The following NCAM2 variants were observed in gnomAD, a reference collection of about 807,000 sequenced individuals.
The protein encoded by NCAM2 is neural cell adhesion molecule 2.
Under a neutral mutation model 98.1 loss-of-function variants are expected in NCAM2, and 30 were observed. That is an observed-to-expected ratio of 0.31 (90% CI 0.23 to 0.41). The LOEUF is 0.41. Ranked by LOEUF, NCAM2 falls within the 10% of genes least tolerant of loss-of-function variation. NCAM2 has a pLI of 1.00. For synonymous variants in NCAM2, 368 were observed against 342.4 expected (o/e 1.07, Z -0.83); for missense variants, 867 against 1,005.8 (o/e 0.86, Z 1.87).
At chr21:21,205,098 A>G (rs1239382455) in intron 1 of NCAM2, among the ~76,000 whole-genome samples, 1 of 152,208 alleles carries the variant, frequency 6.6e-6, no homozygotes, top group Non-Finnish European at 1.5e-5. Context: ...CACACAAGAA[A>G]GAGTCTAACG....
chr21:21,437,072 G>A (rs995555587), intron 12 of NCAM2, among the ~76,000 whole-genome samples: 1 of 151,790 alleles, frequency 6.6e-6, no homozygotes, highest in Non-Finnish European at 1.5e-5. Flanking sequence ...ACCACGCCTC[G>A]CCAGAAGCAA....
At chr21:21,264,525 T>G (rs2147366540) in intron 1 of NCAM2, among the ~76,000 whole-genome samples, 1 of 151,838 alleles carries the variant, frequency 6.6e-6, no homozygotes, top group South Asian at 2.1e-4. Flanking sequence ...AAATCACTTT[T>G]CAAAATGACA....
intron 12 of NCAM2, among the ~76,000 whole-genome samples, chr21:21,449,330 C>T (rs934315113): frequency 6.6e-6 from 1 of 151,098 alleles, no homozygotes; most frequent in Non-Finnish European, 1.5e-5. Context: ...GGAGTTTAAT[C>T]CACGGGAGGA....
chr21:21,187,318 A>C (rs1337502546), intron 1 of NCAM2, among the ~76,000 whole-genome samples: 1 of 152,188 alleles, frequency 6.6e-6, no homozygotes, highest in Non-Finnish European at 1.5e-5. Flanking sequence ...ATTTAATTTT[A>C]CTAGACAACA....
At chr21:21,179,952 C>T (rs970305268) in intron 1 of NCAM2, among the ~76,000 whole-genome samples, 1 of 152,204 alleles carries the variant, frequency 6.6e-6, no homozygotes, top group African/African-American at 2.4e-5. Context: ...ATTGAAAATT[C>T]TCTTTCATTG....
At chr21:21,153,123 A>G (rs1003733699) in intron 1 of NCAM2, among the ~76,000 whole-genome samples, 1 of 149,474 alleles carries the variant, frequency 6.7e-6, no homozygotes, top group African/African-American at 2.5e-5. Flanking sequence ...GATGAAAGGG[A>G]TTGTCTGGAG....
At chr21:21,249,449 T>C (rs1294112056) in intron 1 of NCAM2, among the ~76,000 whole-genome samples, 1 of 152,148 alleles carries the variant, frequency 6.6e-6, no homozygotes, top group Non-Finnish European at 1.5e-5. Flanking sequence ...ACCAGGGCAG[T>C]TAGTTCGAGC....
intron 1 of NCAM2, among the ~76,000 whole-genome samples, chr21:21,022,489 A>G (rs1387946035): frequency 6.6e-6 from 1 of 152,112 alleles, no homozygotes; most frequent in Non-Finnish European, 1.5e-5. Context: ...TCAGTTATAA[A>G]AATAGGGAGT....
intron 1 of NCAM2, among the ~76,000 whole-genome samples, chr21:21,120,965 C>T (rs570712745): frequency 3.3e-5 from 5 of 152,230 alleles, no homozygotes; most frequent in African/African-American, 1.2e-4. Flanking sequence ...ATCCACCCGC[C>T]TCAGCCTCCC....
At chr21:21,255,676 A>G (rs9789849) in intron 1 of NCAM2, among the ~76,000 whole-genome samples, 151,027 of 152,322 alleles carry the variant, frequency 0.99, 74,887 homozygotes, top group East Asian at 1. Context: ...ACAGTGGCAG[A>G]GTTTTCCATC....
intron 16 of NCAM2, among the ~76,000 whole-genome samples, chr21:21,518,300 G>C (rs1988825837): frequency 6.6e-6 from 1 of 151,978 alleles, no homozygotes; most frequent in African/African-American, 2.4e-5. Flanking sequence ...ACATATTTCA[G>C]TTCAAAAATT....
intron 1 of NCAM2, among the ~76,000 whole-genome samples, chr21:21,060,152 C>T (rs2065291934): frequency 6.6e-6 from 1 of 151,972 alleles, no homozygotes; most frequent in South Asian, 2.1e-4. Context: ...GTATTTACTC[C>T]ACTGCTGTTA....
chr21:21,178,200 T>C (rs1371724512), intron 1 of NCAM2, among the ~76,000 whole-genome samples: 1 of 152,154 alleles, frequency 6.6e-6, no homozygotes, highest in Non-Finnish European at 1.5e-5. Context: ...TCAAAGCAAC[T>C]AATCTGGATG....
chr21:21,299,822 C>T (rs1469448511), intron 5 of NCAM2, among the ~76,000 whole-genome samples: 2 of 151,892 alleles, frequency 1.3e-5, no homozygotes, highest in African/African-American at 4.8e-5. Context: ...TCCTTGGTAT[C>T]TATGGGAAGT....
At chr21:21,192,473 G>A (rs937298640) in intron 1 of NCAM2, among the ~76,000 whole-genome samples, 1 of 152,148 alleles carries the variant, frequency 6.6e-6, no homozygotes, top group Non-Finnish European at 1.5e-5. Flanking sequence ...CATTGACCAA[G>A]CCTGTTGGTT....
At chr21:21,480,330 G>A (rs914787255) in intron 15 of NCAM2, among the ~76,000 whole-genome samples, 2 of 137,824 alleles carry the variant, frequency 1.5e-5, no homozygotes, top group Non-Finnish European at 3.0e-5. Flanking sequence ...TGGCGCCACT[G>A]CACTCCAGCC....
At chr21:21,113,816 T>C (rs1171238901) in intron 1 of NCAM2, among the ~76,000 whole-genome samples, 1 of 152,180 alleles carries the variant, frequency 6.6e-6, no homozygotes, top group East Asian at 1.9e-4. Context: ...ATGCCTCTTT[T>C]TTTTGATTGG....
intron 5 of NCAM2, among the ~76,000 whole-genome samples, chr21:21,294,656 C>T (rs2826774): frequency 0.14 from 20,927 of 151,768 alleles, 2,410 homozygotes; most frequent in East Asian, 0.5. Flanking sequence ...TGATTTCCGT[C>T]TGGAGGATGC....
chr21:21,344,303 G>C (rs1017700963), intron 8 of NCAM2, among the ~76,000 whole-genome samples: 1 of 152,108 alleles, frequency 6.6e-6, no homozygotes, highest in African/African-American at 2.4e-5. Context: ...CCAAATAATA[G>C]CACAGCCATG....
Sources: gnomAD v4.1 joint callset for allele counts (sites outside exome capture counted in the v4.1 genomes callset) on GRCh38, gnomAD v4.1.1 for gene constraint, MANE v1.5 for transcripts, NCBI Gene and HGNC (gene_info 2026-07-23, HGNC 2026-07-21) for gene names.